Variants in C2orf76 observed in about 807,000 individuals in gnomAD.
The protein encoded by C2orf76 is UPF0538 protein C2orf76.
C2orf76 carries 23 observed loss-of-function variants against 16.9 expected under a neutral mutation model. That is an observed-to-expected ratio of 1.36 (90% CI 0.98 to 1.93). The LOEUF (loss-of-function observed/expected upper bound fraction) is 1.93, where lower values mean the gene tolerates loss of function less well. C2orf76 is among the 30% of genes most tolerant of loss of function. C2orf76 has a pLI of 0.00. For synonymous variants in C2orf76, 48 were observed against 52.3 expected (o/e 0.92, Z 0.35); for missense variants, 152 against 152.6 (o/e 1.00, Z 0.02).
At chr2:119,310,484 T>A (rs767638682) in intron 5 of C2orf76, among the ~76,000 whole-genome samples, 22 of 152,236 alleles carry the variant, frequency 1.4e-4, no homozygotes, top group Admixed American at 2.0e-4. Context: ...TTCATGCTCA[T>A]CACGTGAATC....
At chr2:119,301,918 T>C (rs753192049), downstream of C2orf76, among the ~76,000 whole-genome samples, 24 of 138,896 alleles carry the variant, frequency 1.7e-4, no homozygotes, top group Non-Finnish European at 1.2e-4. Context: ...TGCAATACTT[T>C]AAAAAAAAAA....
intron 1 of C2orf76, among the ~76,000 whole-genome samples, chr2:119,358,650 G>A (rs1680650167): frequency 1.3e-5 from 2 of 151,140 alleles, no homozygotes; most frequent in South Asian, 4.2e-4. Flanking sequence ...CTGGATAGAA[G>A]GCCAGACCAC....
intron 1 of C2orf76, among the ~76,000 whole-genome samples, chr2:119,358,098 T>C (rs1451579027): frequency 1.3e-5 from 2 of 152,206 alleles, no homozygotes; most frequent in East Asian, 3.8e-4. Context: ...TCTAAGTTTT[T>C]AAGTGACAGG....
Position 119,338,539 on chromosome 2 carries a change from G to C in C2orf76, c.133+1288C>G, listed in dbSNP as rs577941378. Among the ~76,000 whole-genome samples the C allele has an allele frequency of 5.9e-5, 9 of 152,328 alleles. No individual in the cohort carries two copies. In the East Asian group the frequency reaches 1.7e-3, roughly 29 times the overall value. ...ATCTGGGGGAGTGAGGAGAATGAGA[G>C]AGAAAGGGGAAGAGGAGAGAGGGGA... On this transcript the variant is annotated intron_variant, in intron 2 of 5. Transcript: ENST00000334816.
intron 1 of C2orf76, among the ~76,000 whole-genome samples, chr2:119,360,317 A>C (rs1293580430): frequency 1.3e-5 from 2 of 152,124 alleles, no homozygotes; most frequent in Non-Finnish European, 2.9e-5. Context: ...GTCTCTACTA[A>C]AAATATAAAA....
chr2:119,301,033 CCATT>C (rs755358776), downstream of C2orf76, among the ~76,000 whole-genome samples: 3 of 151,200 alleles, frequency 2.0e-5, no homozygotes, highest in Non-Finnish European at 4.4e-5. Flanking sequence ...GCAAAAATTC[CCATT>C]CAATCTTCTA....
At chr2:119,334,681 ACTCT>A (rs1200599861) in intron 2 of C2orf76, among the ~76,000 whole-genome samples, 2 of 133,204 alleles carry the variant, frequency 1.5e-5, no homozygotes, top group Non-Finnish European at 3.3e-5. Context: ...CTGGAATGAG[ACTCT>A]CTCTCAGAAA....
chr2:119,364,287 G>C (rs1461235485), intron 1 of C2orf76, among the ~76,000 whole-genome samples: 1 of 152,178 alleles, frequency 6.6e-6, no homozygotes, highest in Non-Finnish European at 1.5e-5. Context: ...CTACAACAAT[G>C]ACAATGGCCT....
At chr2:119,358,735 G>C (rs1301960277) in intron 1 of C2orf76, among the ~76,000 whole-genome samples, 2 of 152,150 alleles carry the variant, frequency 1.3e-5, no homozygotes, top group Non-Finnish European at 2.9e-5. Flanking sequence ...AAGGCTAAGA[G>C]AGGTGAGAAA....
At chr2:119,307,114 G>A (rs371880466) in intron 5 of C2orf76, among the ~76,000 whole-genome samples, 53 of 151,994 alleles carry the variant, frequency 3.5e-4, no homozygotes, top group East Asian at 1.8e-3. Context: ...AACCAGACAC[G>A]GCACTGAGGG....
intron 1 of C2orf76, among the ~76,000 whole-genome samples, chr2:119,346,494 G>A (rs929114053): frequency 6.6e-6 from 1 of 152,068 alleles, no homozygotes; most frequent in African/African-American, 2.4e-5. Context: ...CAACAATCAG[G>A]GTGAATCTCA....
chr2:119,342,148 G>T (rs1298812677), intron 1 of C2orf76, among the ~76,000 whole-genome samples: 1 of 152,114 alleles, frequency 6.6e-6, no homozygotes, highest in Non-Finnish European at 1.5e-5. Flanking sequence ...GTACTCCTAC[G>T]ATAGAATATG....
intron 1 of C2orf76, among the ~76,000 whole-genome samples, chr2:119,359,870 A>G (rs1558799632): frequency 6.6e-6 from 1 of 152,216 alleles, no homozygotes; most frequent in Non-Finnish European, 1.5e-5. Flanking sequence ...TATTGCATAA[A>G]CTTGTAAAGC....
intron 2 of C2orf76, among the ~76,000 whole-genome samples, chr2:119,326,520 CTTTTTGTGAG>C (rs1679514285): frequency 6.6e-6 from 1 of 151,818 alleles, no homozygotes; most frequent in East Asian, 1.9e-4. Flanking sequence ...TTTTTTCCTT[CTTTTTGTGAG>C]TTATGACGAT....
chr2:119,290,730 T>A, the C2orf76 span, among the ~76,000 whole-genome samples: 27 of 152,166 alleles, frequency 1.8e-4, no homozygotes, highest in African/African-American at 6.3e-4. Context: ...CTCAGGAGGC[T>A]GAGACAGGAG....
At position 119,302,442 on chromosome 2, in the gene C2orf76, G is replaced by A. The variant is rs754773539; in HGVS notation, c.*30C>T. Reference sequence around the variant, plus strand: ...CAGTGGAATAAAGAGCTTAATACAGGTATGCAAAAAGGAAGCCCTCGAGAT... The same window carrying A: ...CAGTGGAATAAAGAGCTTAATACAGATATGCAAAAAGGAAGCCCTCGAGAT... On this transcript the variant is annotated 3_prime_UTR_variant, in exon 6 of 6. Coordinates refer to ENST00000334816, the MANE Select transcript of C2orf76 (RefSeq NM_001322331.2). The A allele has an allele frequency of 1.1e-6, 1 of 894,460 alleles. No homozygotes were observed. 55.4% of individuals were successfully genotyped at this position (894,460 alleles called of 1,614,324 possible).
At chr2:119,337,914 G>A (rs1679902264) in intron 2 of C2orf76, among the ~76,000 whole-genome samples, 1 of 152,164 alleles carries the variant, frequency 6.6e-6, no homozygotes, top group Admixed American at 6.5e-5. Context: ...TGCCATTGCA[G>A]CAGCTTGAAA....
intron 2 of C2orf76, among the ~76,000 whole-genome samples, chr2:119,327,540 G>A (rs1409239261): frequency 6.6e-6 from 1 of 151,980 alleles, no homozygotes; most frequent in East Asian, 1.9e-4. Context: ...TGCTCTCCAT[G>A]CTATAATGGG....
At chr2:119,351,274 A>G (rs963102214) in intron 1 of C2orf76, among the ~76,000 whole-genome samples, 1 of 152,106 alleles carries the variant, frequency 6.6e-6, no homozygotes, top group African/African-American at 2.4e-5. Flanking sequence ...AATATTTAAT[A>G]TTTTCTCCAT....
Sources: allele counts gnomAD v4.1 joint callset (sites outside exome capture counted in the v4.1 genomes callset), GRCh38; gene constraint gnomAD v4.1.1; transcripts MANE v1.5; gene names NCBI Gene and HGNC (gene_info 2026-07-23, HGNC 2026-07-21).